Variants in ADAMTS17 observed in about 807,000 individuals in gnomAD.
The protein encoded by ADAMTS17 is ADAM metallopeptidase with thrombospondin type 1 motif 17, also known as A disintegrin and metalloproteinase with thrombospondin motifs 17.
In ADAMTS17, 113 loss-of-function variants were observed where a neutral mutation model predicts 141.5. That is an observed-to-expected ratio of 0.80 (90% CI 0.69 to 0.93). The LOEUF is 0.93. ADAMTS17 is among the 40% of genes least tolerant of loss of function. The pLI is 0.00. For missense variants in ADAMTS17, 1,659 were observed against 1,517.9 expected (o/e 1.09, Z -1.54); for synonymous variants, 768 against 630.6 (o/e 1.22, Z -3.27).
chr15:100,240,244 C>G (rs945798678), intron 7 of ADAMTS17, among the ~76,000 whole-genome samples: 2 of 152,206 alleles, frequency 1.3e-5, no homozygotes, highest in Admixed American at 6.5e-5. Flanking sequence ...CTGCAGGCAC[C>G]TTTCCAATCC....
At position 100,062,893 on chromosome 15, in the gene ADAMTS17, C is replaced by G. The variant is rs532159825; in HGVS notation, c.2138-8839G>C. Among the ~76,000 whole-genome samples, 3 of 152,276 alleles carry G rather than the reference C, an allele frequency of 2.0e-5. No individual in the cohort carries two copies. In the South Asian group the frequency reaches 6.2e-4, roughly 32 times the overall value. ...AGAAGGGCAGGGGCCACAGCATGTT[C>G]CAAGCCAGGAAGGTAGGAGCAGAGG... On this transcript the variant is annotated intron_variant, in intron 15 of 21. Coordinates refer to ENST00000268070, the MANE Select transcript of ADAMTS17 (RefSeq NM_139057.4).
intron 19 of ADAMTS17, among the ~76,000 whole-genome samples, chr15:99,995,139 G>A (rs1056324254): frequency 2.0e-5 from 3 of 152,166 alleles, no homozygotes; most frequent in East Asian, 3.9e-4. Context: ...CAGGAGGCCC[G>A]GGGCACTGCA....
chr15:100,221,329 T>C (rs2042127753), intron 7 of ADAMTS17, among the ~76,000 whole-genome samples: 2 of 152,212 alleles, frequency 1.3e-5, no homozygotes, highest in Non-Finnish European at 1.5e-5. Context: ...TGTAGACTCT[T>C]GAGTCCCGCA....
chr15:100,288,065 C>T (rs1388204607), intron 3 of ADAMTS17, among the ~76,000 whole-genome samples: 6 of 152,174 alleles, frequency 3.9e-5, no homozygotes, highest in African/African-American at 1.4e-4. Context: ...CACAAAGTGA[C>T]AAGTTGGATA....
intron 7 of ADAMTS17, among the ~76,000 whole-genome samples, chr15:100,205,047 A>G (rs1418194111): frequency 6.6e-6 from 1 of 152,146 alleles, no homozygotes; most frequent in Non-Finnish European, 1.5e-5. Context: ...TATGGGTCAG[A>G]GTCAGGAAAG....
At chr15:99,996,375 C>G (rs2060802388) in intron 19 of ADAMTS17, among the ~76,000 whole-genome samples, 1 of 152,106 alleles carries the variant, frequency 6.6e-6, no homozygotes, top group Non-Finnish European at 1.5e-5. Context: ...GACTGAACAC[C>G]TGCCTCAACC....
intron 15 of ADAMTS17, among the ~76,000 whole-genome samples, chr15:100,054,457 G>A (rs1460666793): frequency 6.6e-6 from 1 of 152,112 alleles, no homozygotes. Context: ...ATGTGTCCCA[G>A]GCTACAAACC....
intron 2 of ADAMTS17, among the ~76,000 whole-genome samples, chr15:100,334,659 C>T (rs565631402): frequency 1.6e-4 from 25 of 152,182 alleles, no homozygotes; most frequent in African/African-American, 4.6e-4. Flanking sequence ...CACGGCCACG[C>T]GGGGCTTCCC....
intron 15 of ADAMTS17, among the ~76,000 whole-genome samples, chr15:100,076,551 G>C (rs1163232596): frequency 6.6e-6 from 1 of 152,154 alleles, no homozygotes; most frequent in Non-Finnish European, 1.5e-5. Flanking sequence ...ATTTTAAAGT[G>C]AGACAAGTTC....
At chr15:99,977,395 TATATA>T (rs2060381088) in intron 20 of ADAMTS17, among the ~76,000 whole-genome samples, 1 of 7,802 alleles carries the variant, frequency 1.3e-4, no homozygotes. Flanking sequence ...TATATATATA[TATATA>T]ATTTTTTTTT....
At position 100,192,043 on chromosome 15, in the gene ADAMTS17, AATAAAT is replaced by A. The variant is rs1200257336; in HGVS notation, c.1181+7269_1181+7274del. On this transcript the variant is annotated intron_variant, in intron 8 of 21. Transcript: ENST00000268070. Reference sequence around the variant, plus strand: ...CTACTATATACCCATAAAAATTAAAAATAAATATAAATACATAAATAAAAGGAAATA... The same window carrying A: ...CTACTATATACCCATAAAAATTAAAAATAAATACATAAATAAAAGGAAATA... 2.6e-5 allele frequency among the ~76,000 whole-genome samples: 4 copies of A among 152,360 alleles called. No homozygotes were observed. In the East Asian group the frequency reaches 5.8e-4, roughly 22 times the overall value.
chr15:100,247,008 C>T (rs964315357), intron 7 of ADAMTS17, among the ~76,000 whole-genome samples: 9 of 152,036 alleles, frequency 5.9e-5, no homozygotes, highest in African/African-American at 1.4e-4. Context: ...CTCAGCCTTC[C>T]GAGTAGCTGG....
chr15:100,191,372 TAC>T (rs1283092031), intron 8 of ADAMTS17, among the ~76,000 whole-genome samples: 2 of 152,234 alleles, frequency 1.3e-5, no homozygotes, highest in African/African-American at 4.8e-5. Context: ...CTGCTCAGAA[TAC>T]AGGTAGGACT....
rs543440686 is a variant in ADAMTS17 at position 100,333,276 on chromosome 15, A to G, written c.451-2222T>C. Among the ~76,000 whole-genome samples the G allele has an allele frequency of 8.1e-4, 124 of 152,314 alleles. 1 individual carries two copies. The highest frequency in any genetic ancestry group is 3.4e-3 in the Middle Eastern group (1 of 294). Reference sequence around the variant, plus strand: ...TCCTGTTTTTGCCAATGTCTGCCACATAACAGTTACTCAGAAAGAAAAAAT... The same window carrying G: ...TCCTGTTTTTGCCAATGTCTGCCACGTAACAGTTACTCAGAAAGAAAAAAT... On this transcript the variant is annotated intron_variant, in intron 2 of 21. Transcript: ENST00000268070.
At chr15:100,146,956 G>A (rs538435025) in intron 10 of ADAMTS17, among the ~76,000 whole-genome samples, 3 of 152,142 alleles carry the variant, frequency 2.0e-5, no homozygotes, top group Non-Finnish European at 4.4e-5. Flanking sequence ...TGTTATCAAT[G>A]ACAGTGGTGC....
chr15:100,310,159 AC>A (rs2045356994), intron 3 of ADAMTS17, among the ~76,000 whole-genome samples: 1 of 152,178 alleles, frequency 6.6e-6, no homozygotes, highest in Non-Finnish European at 1.5e-5. Flanking sequence ...CTCTGCACCA[AC>A]AAGATGATTA....
intron 8 of ADAMTS17, among the ~76,000 whole-genome samples, chr15:100,176,244 T>C (rs1596192275): frequency 6.6e-6 from 1 of 152,180 alleles, no homozygotes; most frequent in South Asian, 2.1e-4. Flanking sequence ...AAACAGTACA[T>C]GGCACAGAGG....
chr15:100,182,150 C>T (rs1357936931), intron 8 of ADAMTS17, among the ~76,000 whole-genome samples: 1 of 152,202 alleles, frequency 6.6e-6, no homozygotes, highest in Non-Finnish European at 1.5e-5. Flanking sequence ...AGAGATTTAA[C>T]ATGTGGACTC....
intron 3 of ADAMTS17, among the ~76,000 whole-genome samples, chr15:100,305,136 G>T (rs1262346336): frequency 6.6e-6 from 1 of 152,030 alleles, no homozygotes; most frequent in Non-Finnish European, 1.5e-5. Context: ...CAGAGGGGGA[G>T]GGTCAGTACC....
Sources: allele counts gnomAD v4.1 joint callset (sites outside exome capture counted in the v4.1 genomes callset), GRCh38; gene constraint gnomAD v4.1.1; transcripts MANE v1.5; gene names NCBI Gene and HGNC (gene_info 2026-07-23, HGNC 2026-07-21).